The following CCDC171 variants were observed in gnomAD, a reference collection of about 807,000 sequenced individuals.
The protein encoded by CCDC171 is coiled-coil domain-containing protein 171.
CCDC171 carries 177 observed loss-of-function variants against 168.2 expected under a neutral mutation model. The observed-to-expected ratio is 1.05, with a 90% CI of 0.93 to 1.19. The LOEUF is 1.19. CCDC171 is among the 50% of genes most tolerant of loss of function. CCDC171 has a pLI of 0.00. For synonymous variants in CCDC171, 687 were observed against 540.8 expected, an observed-to-expected ratio of 1.27 and a Z score of -3.75; for missense variants, 1,991 against 1,539.0, an observed-to-expected ratio of 1.29 and a Z score of -4.91.
At chr9:15,934,823 A>G (rs186579314) in intron 25 of CCDC171, among the ~76,000 whole-genome samples, 151 of 152,222 alleles carry the variant, frequency 9.9e-4, no homozygotes, top group African/African-American at 3.4e-3. Flanking sequence ...AAATTCAGCA[A>G]TAAGAAGGGA....
chr9:15,764,108 A>C (rs1251981171), intron 18 of CCDC171, among the ~76,000 whole-genome samples: 1 of 152,186 alleles, frequency 6.6e-6, no homozygotes, highest in African/African-American at 2.4e-5. Context: ...AAGGAGGCCC[A>C]AGTGGCTGAA....
At chr9:16,053,676 C>G (rs559868379) in intron 1 of CCDC171, among the ~76,000 whole-genome samples, 1 of 152,218 alleles carries the variant, frequency 6.6e-6, no homozygotes, top group African/African-American at 2.4e-5. Flanking sequence ...CTATTTGCCA[C>G]GAAGGCTGAA....
chr9:15,575,487 T>A (rs912181390), intron 3 of CCDC171, among the ~76,000 whole-genome samples: 5 of 152,162 alleles, frequency 3.3e-5, no homozygotes, highest in Admixed American at 6.5e-5. Flanking sequence ...ATAACTTCTT[T>A]TAGCCAAAAA....
At chr9:15,797,736 A>G (rs1278641134) in intron 21 of CCDC171, among the ~76,000 whole-genome samples, 1 of 152,008 alleles carries the variant, frequency 6.6e-6, no homozygotes, top group Non-Finnish European at 1.5e-5. Flanking sequence ...TCCTTTTTAT[A>G]TTTCATCTAA....
intron 18 of CCDC171, among the ~76,000 whole-genome samples, chr9:15,766,883 A>C (rs1468449102): frequency 6.6e-6 from 1 of 152,116 alleles, no homozygotes; most frequent in East Asian, 1.9e-4. Flanking sequence ...ACTAGTCTCA[A>C]ACTCCCGGCC....
At chr9:15,969,343 C>A (rs866757261) in intron 25 of CCDC171, among the ~76,000 whole-genome samples, 3 of 152,096 alleles carry the variant, frequency 2.0e-5, no homozygotes, top group Non-Finnish European at 4.4e-5. Context: ...TAAAGGACTG[C>A]CTTCCTAACT....
intron 23 of CCDC171, among the ~76,000 whole-genome samples, chr9:15,869,513 G>T (rs10962186): frequency 0.062 from 9,195 of 148,012 alleles, 356 homozygotes; most frequent in Non-Finnish European, 0.084. Flanking sequence ...AAAGCGTAGT[G>T]TTTTTTTTTT....
intron 25 of CCDC171, among the ~76,000 whole-genome samples, chr9:15,967,078 G>A (rs1830872638): frequency 6.6e-6 from 1 of 152,036 alleles, no homozygotes; most frequent in African/African-American, 2.4e-5. Flanking sequence ...TATAAACTAC[G>A]GTGGCCTATG....
At chr9:15,647,455 G>A (rs1217545609) in intron 7 of CCDC171, among the ~76,000 whole-genome samples, 2 of 152,130 alleles carry the variant, frequency 1.3e-5, no homozygotes, top group Non-Finnish European at 2.9e-5. Flanking sequence ...AATGAATTTA[G>A]CAGCTGGTTT....
At chr9:15,624,455 C>T (rs2044861024) in intron 7 of CCDC171, among the ~76,000 whole-genome samples, 1 of 151,938 alleles carries the variant, frequency 6.6e-6, no homozygotes, top group Admixed American at 6.6e-5. Flanking sequence ...TAATGCTATC[C>T]CTCCCCACTC....
chr9:15,554,105 C>T (rs185693), intron 1 of CCDC171, among the ~76,000 whole-genome samples: 2 of 151,822 alleles, frequency 1.3e-5, no homozygotes, highest in African/African-American at 4.8e-5. Flanking sequence ...CTGCAAGCTC[C>T]GCCTCCCGGG....
chr9:15,745,699 C>A, intron 18 of CCDC171, 68 bp downstream of exon 18: 1 of 882,808 alleles, frequency 1.1e-6, no homozygotes, highest in Non-Finnish European at 1.7e-6. Context: ...TTCTTTATGT[C>A]ACAAATTCTA....
Position 15,848,939 on chromosome 9 carries a change from CT to C in CCDC171, c.3462del (p.His1155ThrfsTer43). 6.5e-7 allele frequency: 1 copy of C among 1,537,692 alleles called. No individual in the cohort carries two copies. The highest frequency in any genetic ancestry group is 8.8e-7 in the Non-Finnish European group (1 of 1,133,950). On this transcript the variant is annotated frameshift_variant, in exon 23 of 26. Coordinates refer to ENST00000380701, the MANE Select transcript of CCDC171 (RefSeq NM_173550.4). LOFTEE classifies it high-confidence loss of function. ...ANHMRAVENT[L>X]HKVRDQISLS... ...TCACATGAGAGCAGTAGAAAATACGCTTCACAAGGTACTGTTATTTTTCTTT... is the reference window on the plus strand; with the variant it reads ...TCACATGAGAGCAGTAGAAAATACGCTCACAAGGTACTGTTATTTTTCTTT...
intron 1 of CCDC171, among the ~76,000 whole-genome samples, chr9:16,051,981 C>T (rs532915663): frequency 5.9e-5 from 9 of 152,300 alleles, no homozygotes; most frequent in African/African-American, 1.7e-4. Flanking sequence ...CATCAGATCT[C>T]GTGAGACTTG....
chr9:15,764,403 A>T (rs1217516792), intron 18 of CCDC171, among the ~76,000 whole-genome samples: 1 of 152,218 alleles, frequency 6.6e-6, no homozygotes, highest in African/African-American at 2.4e-5. Context: ...GGAATAGTAT[A>T]ACATCATTGG....
At chr9:15,591,584 C>T in intron 5 of CCDC171, 28 bp downstream of exon 5, 2 of 1,250,586 alleles carry the variant, frequency 1.6e-6, no homozygotes, top group South Asian at 2.7e-5. Flanking sequence ...AAGGAATTTT[C>T]CGATATGTAA....
intron 21 of CCDC171, among the ~76,000 whole-genome samples, chr9:15,787,817 T>A (rs925371771): frequency 1.3e-5 from 2 of 152,192 alleles, no homozygotes; most frequent in Non-Finnish European, 2.9e-5. Flanking sequence ...GGTAGATATG[T>A]CCTTGTTACT....
intron 6 of CCDC171, among the ~76,000 whole-genome samples, chr9:15,610,259 C>T (rs1339593250): frequency 1.3e-5 from 2 of 149,872 alleles, no homozygotes; most frequent in African/African-American, 4.9e-5. Flanking sequence ...GGATCTTGCT[C>T]TGCTGCAAAG....
the CCDC171 span, among the ~76,000 whole-genome samples, chr9:16,089,271 A>G: frequency 6.6e-6 from 1 of 151,876 alleles, no homozygotes; most frequent in Non-Finnish European, 1.5e-5. Context: ...AAGAAAACCT[A>G]GGCAATACTA....
Sources: gnomAD v4.1 joint callset for allele counts (sites outside exome capture counted in the v4.1 genomes callset) on GRCh38, gnomAD v4.1.1 for gene constraint, MANE v1.5 for transcripts, NCBI Gene and HGNC (gene_info 2026-07-23, HGNC 2026-07-21) for gene names.